The following FAM110B variants were observed in gnomAD, a reference collection of about 807,000 sequenced individuals.
FAM110B encodes the protein family with sequence similarity 110 member B.
Under a neutral mutation model 20.4 loss-of-function variants are expected in FAM110B, and 6 were observed. The observed-to-expected ratio is 0.29, with a 90% CI of 0.16 to 0.58. The LOEUF (loss-of-function observed/expected upper bound fraction) is 0.58, where lower values mean the gene tolerates loss of function less well. FAM110B is among the 20% of genes least tolerant of loss of function. The pLI is 0.90. For synonymous variants in FAM110B, 226 were observed against 214.1 expected, an observed-to-expected ratio of 1.06 and a Z score of -0.49; for missense variants, 434 against 498.2, an observed-to-expected ratio of 0.87 and a Z score of 1.23.
At chr8:58,046,680 A>C (rs537973350) in intron 2 of FAM110B, among the ~76,000 whole-genome samples, 1 of 152,218 alleles carries the variant, frequency 6.6e-6, no homozygotes, top group African/African-American at 2.4e-5. Context: ...TATCCCTCTT[A>C]CCATAGGCAA....
intron 3 of FAM110B, among the ~76,000 whole-genome samples, chr8:58,100,671 G>A (rs1246515320): frequency 6.6e-6 from 1 of 152,052 alleles, no homozygotes; most frequent in Non-Finnish European, 1.5e-5. Context: ...TGTCCAAATT[G>A]CCCCTTTTTA....
chr8:58,105,573 T>G (rs1237061986), intron 3 of FAM110B, among the ~76,000 whole-genome samples: 6 of 134,382 alleles, frequency 4.5e-5, no homozygotes, highest in African/African-American at 1.7e-4. Flanking sequence ...TTTTTTTTTT[T>G]TTTTTTTTTT....
At chr8:58,084,765 A>G (rs1321514552) in intron 3 of FAM110B, among the ~76,000 whole-genome samples, 1 of 150,194 alleles carries the variant, frequency 6.7e-6, no homozygotes, top group African/African-American at 2.5e-5. Context: ...ATCCCCAGAT[A>G]GAATGGGTTG....
intron 1 of FAM110B, among the ~76,000 whole-genome samples, chr8:58,015,172 C>T (rs1447633563): frequency 6.6e-6 from 1 of 151,046 alleles, no homozygotes; most frequent in South Asian, 2.1e-4. Flanking sequence ...CCTGACCAAC[C>T]TGGTGAAACC....
chr8:58,127,293 T>G (rs117140833), intron 3 of FAM110B, among the ~76,000 whole-genome samples: 39 of 152,358 alleles, frequency 2.6e-4, no homozygotes, highest in Non-Finnish European at 4.3e-4. Flanking sequence ...CAATCTTGAT[T>G]ACTGTAGCTA....
chr8:58,067,763 G>A lies in FAM110B; in HGVS notation c.-413-7772G>A, dbSNP rs971703116. ...GCACAAGTCCTTACACATAGTAAGG[G>A]CCTAACATGATTCACTGAGTAAACA... On this transcript the variant is annotated intron_variant, in intron 2 of 3. Coordinates refer to ENST00000519262, the MANE Select transcript of FAM110B (RefSeq NM_001377989.1). Among the ~76,000 whole-genome samples, 5 of 152,264 alleles carry A rather than the reference G, an allele frequency of 3.3e-5. No individual in the cohort carries two copies. The East Asian group carries it at 5.8e-4, about 18-fold the overall frequency.
intron 3 of FAM110B, among the ~76,000 whole-genome samples, chr8:58,102,028 A>G (rs184513658): frequency 6.6e-6 from 1 of 152,368 alleles, no homozygotes; most frequent in Non-Finnish European, 1.5e-5. Flanking sequence ...GAAATCTTCC[A>G]TATGAATGCC....
intron 2 of FAM110B, among the ~76,000 whole-genome samples, chr8:58,066,098 C>T (rs1456442483): frequency 6.6e-6 from 1 of 152,088 alleles, no homozygotes; most frequent in East Asian, 1.9e-4. Flanking sequence ...CTTCCAGAGC[C>T]TCGTAGTACC....
intron 2 of FAM110B, among the ~76,000 whole-genome samples, chr8:58,043,749 G>A (rs1307658933): frequency 1.3e-5 from 2 of 152,120 alleles, no homozygotes; most frequent in Admixed American, 6.5e-5. Flanking sequence ...CACTGGTTTA[G>A]CTATTTTACA....
At chr8:58,093,241 C>T (rs1806531003) in intron 3 of FAM110B, among the ~76,000 whole-genome samples, 1 of 152,138 alleles carries the variant, frequency 6.6e-6, no homozygotes, top group South Asian at 2.1e-4. Flanking sequence ...TATGCAGAAG[C>T]TCTTTAGTTT....
rs114232618 is a variant in FAM110B at position 58,069,177 on chromosome 8, G to T, written c.-413-6358G>T. On this transcript the variant is annotated intron_variant, in intron 2 of 3. Transcript: ENST00000519262. ...AATAGTATTTCTGACAGAACTGTAC[G>T]ATGGAGACATGTTGAGGTACTCTCT... Among the ~76,000 whole-genome samples, 438 of 152,284 alleles carry T rather than the reference G, an allele frequency of 2.9e-3. 1 individual carries two copies. Among genetic ancestry groups the T allele is most frequent in the African/African-American group, 1.0e-2 (414 of 41,554 alleles).
At chr8:58,126,296 C>T (rs1340391763) in intron 3 of FAM110B, among the ~76,000 whole-genome samples, 1 of 152,184 alleles carries the variant, frequency 6.6e-6, no homozygotes, top group Non-Finnish European at 1.5e-5. Context: ...AACCATTTGC[C>T]CATTCAGAGA....
chr8:58,136,659 G>A (rs1299304047), intron 3 of FAM110B, among the ~76,000 whole-genome samples: 4 of 152,108 alleles, frequency 2.6e-5, no homozygotes, highest in African/African-American at 9.7e-5. Context: ...CAGGTAAAAG[G>A]CAAGGCTCCC....
chr8:58,109,241 C>G (rs1806995178), intron 3 of FAM110B, among the ~76,000 whole-genome samples: 1 of 152,028 alleles, frequency 6.6e-6, no homozygotes, highest in Non-Finnish European at 1.5e-5. Context: ...TCTTGCAGGA[C>G]CAATGAGTGA....
Position 58,076,306 on chromosome 8 carries a change from C to T in FAM110B, c.-325+683C>T, listed in dbSNP as rs1479779950. Among the ~76,000 whole-genome samples the T allele has an allele frequency of 2.0e-5, 3 of 152,272 alleles. No homozygotes were observed. The Middle Eastern group carries it at 0.01, about 518-fold the overall frequency. On this transcript the variant is annotated intron_variant, in intron 3 of 3. Coordinates refer to ENST00000519262, the MANE Select transcript of FAM110B (RefSeq NM_001377989.1). ...GGGGAATGAGATGGTGGTGCAGGGTCAGCAGCAAGGGCACTGGGAGTGGGT... is the reference window on the plus strand; with the variant it reads ...GGGGAATGAGATGGTGGTGCAGGGTTAGCAGCAAGGGCACTGGGAGTGGGT...
chr8:58,052,959 G>T (rs1283551846), intron 2 of FAM110B, among the ~76,000 whole-genome samples: 1 of 145,232 alleles, frequency 6.9e-6, no homozygotes, highest in Admixed American at 6.8e-5. Context: ...CTAATTTTTT[G>T]TATTTTTAGT....
chr8:58,067,006 T>C (rs977202550), intron 2 of FAM110B, among the ~76,000 whole-genome samples: 6 of 152,220 alleles, frequency 3.9e-5, no homozygotes, highest in Non-Finnish European at 8.8e-5. Flanking sequence ...AGATAGTGTT[T>C]GACCAGCAAC....
chr8:58,052,707 G>A (rs1215572463), intron 2 of FAM110B, among the ~76,000 whole-genome samples: 1 of 148,698 alleles, frequency 6.7e-6, no homozygotes, highest in Non-Finnish European at 1.5e-5. Context: ...GGTAGGCAGA[G>A]TTCTAAGATG....
At chr8:58,049,960 G>T (rs1185671969) in intron 2 of FAM110B, among the ~76,000 whole-genome samples, 1 of 152,074 alleles carries the variant, frequency 6.6e-6, no homozygotes, top group Non-Finnish European at 1.5e-5. Flanking sequence ...AATAAAAGAT[G>T]AACACTTTTC....
Sources: gnomAD v4.1 joint callset for allele counts (sites outside exome capture counted in the v4.1 genomes callset) on GRCh38, gnomAD v4.1.1 for gene constraint, MANE v1.5 for transcripts, NCBI Gene and HGNC (gene_info 2026-07-23, HGNC 2026-07-21) for gene names.